Variants in CACNA1C observed in about 807,000 individuals in gnomAD.
The protein encoded by CACNA1C is voltage-dependent L-type calcium channel subunit alpha-1C.
In CACNA1C, 30 loss-of-function variants were observed where a neutral mutation model predicts 229.0. The observed-to-expected ratio is 0.13, with a 90% CI of 0.10 to 0.18. The LOEUF (loss-of-function observed/expected upper bound fraction) is 0.18. Among genes scored for constraint, CACNA1C ranks in the 10% least tolerant of loss-of-function variants. The pLI, the probability that CACNA1C is intolerant of heterozygous loss-of-function variation, is 1.00. For synonymous variants in CACNA1C, 1,114 were observed against 1,132.5 expected (o/e 0.98, Z 0.33); for missense variants, 1,658 against 2,845.0 (o/e 0.58, Z 9.49).
At chr12:2,465,200 AT>A (rs2099542563) in intron 5 of CACNA1C, among the ~76,000 whole-genome samples, 1 of 152,228 alleles carries the variant, frequency 6.6e-6, no homozygotes, top group African/African-American at 2.4e-5. Flanking sequence ...GTAGACTGAA[AT>A]AGAGGACAAG....
intron 3 of CACNA1C, among the ~76,000 whole-genome samples, chr12:2,441,958 C>G (rs982419282): frequency 3.9e-5 from 6 of 152,188 alleles, no homozygotes; most frequent in Admixed American, 3.3e-4. Context: ...TCCCGAAGCC[C>G]TCTGTGGAGG....
At chr12:1,988,276 A>T (rs1394581461) in intron 1 of CACNA1C, among the ~76,000 whole-genome samples, 2 of 152,236 alleles carry the variant, frequency 1.3e-5, no homozygotes, top group Non-Finnish European at 2.9e-5. Context: ...CTCACAAAGC[A>T]GCCTCTGCCT....
intron 3 of CACNA1C, among the ~76,000 whole-genome samples, chr12:2,306,857 A>G (rs1404367463): frequency 2.0e-5 from 3 of 152,186 alleles, no homozygotes; most frequent in African/African-American, 7.2e-5. Context: ...TCCATCTCAC[A>G]TACAAATGAG....
chr12:1,996,640 A>C (rs1015876375), intron 1 of CACNA1C, among the ~76,000 whole-genome samples: 6 of 117,864 alleles, frequency 5.1e-5, no homozygotes, highest in East Asian at 2.2e-4. Flanking sequence ...AAAAAAAAAA[A>C]AAAAAAAAAA....
chr12:2,060,012 T>C (rs1234648292), intron 1 of CACNA1C, among the ~76,000 whole-genome samples: 1 of 152,176 alleles, frequency 6.6e-6, no homozygotes, highest in Non-Finnish European at 1.5e-5. Flanking sequence ...GTGGGGGAAA[T>C]CTATCATTGG....
intron 3 of CACNA1C, among the ~76,000 whole-genome samples, chr12:2,338,242 G>C (rs1203750734): frequency 6.6e-6 from 1 of 152,174 alleles, no homozygotes; most frequent in African/African-American, 2.4e-5. Context: ...CTAATTAGCA[G>C]CAAACGTCTT....
intron 37 of CACNA1C, among the ~76,000 whole-genome samples, chr12:2,667,528 A>AAAAC (rs745336945): frequency 7.2e-5 from 11 of 152,206 alleles, no homozygotes; most frequent in African/African-American, 1.7e-4. Flanking sequence ...CTTTGCTCCA[A>AAAAC]AAACAAACAA....
chr12:2,024,672 T>C (rs887875354), intron 1 of CACNA1C, among the ~76,000 whole-genome samples: 1 of 152,230 alleles, frequency 6.6e-6, no homozygotes, highest in African/African-American at 2.4e-5. Flanking sequence ...GGAGAGTGGA[T>C]ACTGGCAGAC....
Position 2,688,550 on chromosome 12 carries a change from G to C in CACNA1C, c.5888G>C (p.Gly1963Ala). The change falls in exon 46 of 47, where the codon GGC becomes GCC. Residue 1963 changes from glycine (G) to alanine (A), a missense_variant. This residue lies in a region of CACNA1C where 590 missense variants were observed against 700.8 expected (regional missense o/e 0.84). Transcript: ENST00000399655. Reference protein sequence around the residue: ...ATPPATPGSRGWPPQPVPTLR... With the variant: ...ATPPATPGSRAWPPQPVPTLR... ...CCACCAGCCACACCTGGCAGCCGAG[G>C]CTGGCCCCCACAGCCCGTCCCCACC... The C allele has an allele frequency of 6.2e-7, 1 of 1,613,988 alleles. No individual in the cohort carries two copies. Among genetic ancestry groups the C allele is most frequent in the Non-Finnish European group, 8.5e-7 (1 of 1,179,892 alleles).
intron 2 of CACNA1C, among the ~76,000 whole-genome samples, chr12:2,116,118 T>C (rs538844989): frequency 1.6e-4 from 24 of 152,284 alleles, no homozygotes; most frequent in African/African-American, 4.8e-5. Flanking sequence ...TGGAAAGTTA[T>C]AACAAACTAC....
chr12:2,614,713 T>TG (rs1482470833), intron 29 of CACNA1C: 2 of 152,210 alleles, frequency 1.3e-5, no homozygotes, highest in African/African-American at 4.8e-5. Flanking sequence ...TGTGAAAGGA[T>TG]GGCTAGGAAC....
intron 29 of CACNA1C, among the ~76,000 whole-genome samples, chr12:2,616,884 G>A (rs1304598228): frequency 6.6e-6 from 1 of 152,234 alleles, no homozygotes; most frequent in Non-Finnish European, 1.5e-5. Context: ...CCCTTGCCCT[G>A]CACGCTGGTC....
At chr12:2,474,355 G>T (rs1295910822) in intron 5 of CACNA1C, among the ~76,000 whole-genome samples, 1 of 152,184 alleles carries the variant, frequency 6.6e-6, no homozygotes, top group African/African-American at 2.4e-5. Flanking sequence ...AGATTTTCCA[G>T]TGCTCTAGAA....
chr12:2,104,600 A>T (rs1466256357), intron 1 of CACNA1C, among the ~76,000 whole-genome samples: 1 of 152,186 alleles, frequency 6.6e-6, no homozygotes, highest in Non-Finnish European at 1.5e-5. Context: ...AGAACTTCCA[A>T]TACTATGTTG....
chr12:2,336,429 A>G (rs2096697220), intron 3 of CACNA1C, among the ~76,000 whole-genome samples: 1 of 150,220 alleles, frequency 6.7e-6, no homozygotes, highest in African/African-American at 2.4e-5. Flanking sequence ...GGGCCCAGGT[A>G]CATGATTCCT....
chr12:2,077,465 A>T (rs2063645069), intron 1 of CACNA1C, among the ~76,000 whole-genome samples: 1 of 152,138 alleles, frequency 6.6e-6, no homozygotes, highest in South Asian at 2.1e-4. Context: ...TGCAAGTAAA[A>T]ATAGCCTTAC....
chr12:2,002,369 C>A (rs904102632), intron 1 of CACNA1C, among the ~76,000 whole-genome samples: 2 of 152,200 alleles, frequency 1.3e-5, no homozygotes, highest in Non-Finnish European at 2.9e-5. Context: ...AACTAGGTCT[C>A]TCTGTTTTTC....
rs1040910419 is a variant in CACNA1C, at chr12:2,012,938, G to C, written c.139+41737G>C. 1.1e-4 allele frequency among the ~76,000 whole-genome samples: 17 copies of C among 152,250 alleles called. No individual in the cohort carries two copies. In the East Asian group the frequency reaches 3.3e-3, roughly 29 times the overall value. ...GTTATTTTTGGCCTTGTGCTTAGAG[G>C]ACACCTAAATGACCAGAAATATTTC... On this transcript the variant is annotated intron_variant, in intron 1 of 46. Transcript: ENST00000682462.
intron 3 of CACNA1C, among the ~76,000 whole-genome samples, chr12:2,383,380 G>A (rs974520447): frequency 3.3e-5 from 5 of 152,146 alleles, no homozygotes; most frequent in Admixed American, 6.5e-5. Context: ...ACTCCTGGGT[G>A]GTAAGAGATC....
Sources: gnomAD v4.1 joint callset for allele counts (sites outside exome capture counted in the v4.1 genomes callset) on GRCh38, gnomAD v4.1.1 for gene constraint, gnomAD v4.1.1 regional missense constraint, MANE v1.5 for transcripts, NCBI Gene and HGNC (gene_info 2026-07-23, HGNC 2026-07-21) for gene names.